Variants in PCDHGA5 observed in about 807,000 individuals in gnomAD.
PCDHGA5 encodes protocadherin gamma subfamily A, 5, also known as protocadherin gamma-A5.
A neutral mutation model predicts 56.7 loss-of-function variants in PCDHGA5; 36 were observed. The observed-to-expected ratio is 0.64, with a 90% CI of 0.49 to 0.84. The LOEUF (loss-of-function observed/expected upper bound fraction) is 0.84. PCDHGA5 is among the 40% of genes least tolerant of loss of function. PCDHGA5 has a pLI of 0.00. For missense variants in PCDHGA5, 1,305 were observed against 1,201.5 expected (o/e 1.09, Z -1.27); for synonymous variants, 563 against 520.2 (o/e 1.08, Z -1.12).
rs73279071 is a variant in PCDHGA5 at position 141,386,620 on chromosome 5, C to G, written c.2421+19869C>G. 8.3e-3 allele frequency among the ~76,000 whole-genome samples: 1,265 copies of G among 151,666 alleles called. 17 individuals carry two copies. The highest frequency in any genetic ancestry group is 0.029 in the African/African-American group (1,203 of 41,334). On this transcript the variant is annotated intron_variant, in intron 1 of 3. Transcript: ENST00000518069. ...ATTTTTTTTTTTTGACATGGAGTCTCGCTCTGTCACCCAGGCTGGATACAT... is the reference window on the plus strand; with the variant it reads ...ATTTTTTTTTTTTGACATGGAGTCTGGCTCTGTCACCCAGGCTGGATACAT...
Position 141,476,064 on chromosome 5 carries a change from C to T in PCDHGA5, c.2422-18743C>T, listed in dbSNP as rs1593605493. On this transcript the variant is annotated intron_variant, in intron 1 of 3. Transcript: ENST00000518069. The surrounding 1 kb of genome is among the most constrained non-coding windows in gnomAD (Gnocchi z 7.6). Reference sequence around the variant, plus strand: ...CGCTAACCCGCTGAAAGTTTCTCAGCGAAATCTCAGGGACGATCTGGACCC... The same window carrying T: ...CGCTAACCCGCTGAAAGTTTCTCAGTGAAATCTCAGGGACGATCTGGACCC... 2.0e-6 allele frequency: 3 copies of T among 1,510,080 alleles called. No homozygotes were observed. In the East Asian group the frequency reaches 6.8e-5, roughly 34 times the overall value. 93.5% of individuals were successfully genotyped at this position (1,510,080 alleles called of 1,614,324 possible). A position where few individuals can be genotyped will look rare whatever the true frequency, so the allele number is the denominator to read the frequency against.
rs1594951324 is a variant in PCDHGA5, at chr5:141,490,871, T to G, written c.2422-3936T>G. 6.2e-7 allele frequency: 1 copy of G among 1,613,918 alleles called. No individual in the cohort carries two copies. The highest frequency in any genetic ancestry group is 8.5e-7 in the Non-Finnish European group (1 of 1,179,944). On this transcript the variant is annotated intron_variant, in intron 1 of 3. Coordinates refer to ENST00000518069, the MANE Select transcript of PCDHGA5 (RefSeq NM_018918.3). This position sits in a 1 kb window ranked among gnomAD's most constrained non-coding sequence, Gnocchi z 5.4. ...GTTCGAGACTCCGGCTCTCCCCCAT[T>G]GCATGCCAACACATCTCTGCATGTG...
intron 1 of PCDHGA5, chr5:141,383,907 A>T: frequency 1.2e-6 from 2 of 1,613,958 alleles, no homozygotes; most frequent in Non-Finnish European, 1.7e-6. Flanking sequence ...TACTGATCAC[A>T]GTTTTAGATG....
At chr5:141,430,846 C>A in intron 1 of PCDHGA5, 1 of 1,576,344 alleles carries the variant, frequency 6.3e-7, no homozygotes, top group South Asian at 1.2e-5. Context: ...CCGGATGCAC[C>A]CAGATACGCT....
chr5:141,506,228 A>T (rs538354130), intron 3 of PCDHGA5, among the ~76,000 whole-genome samples: 1 of 152,266 alleles, frequency 6.6e-6, no homozygotes, highest in East Asian at 1.9e-4. Context: ...AGGCAGGAGG[A>T]TCATGAGGTC....
intron 1 of PCDHGA5, chr5:141,421,895 G>T: frequency 2.5e-6 from 4 of 1,613,730 alleles, no homozygotes; most frequent in Non-Finnish European, 3.4e-6. Context: ...GATCCCATCC[G>T]AAAGGGCGCA....
At chr5:141,377,447 A>AG (rs1773997095) in intron 1 of PCDHGA5, 1 of 152,082 alleles carries the variant, frequency 6.6e-6, no homozygotes, top group African/African-American at 2.4e-5. Context: ...AAGAAAAAAA[A>AG]GTAGCCAGAT....
intron 1 of PCDHGA5, chr5:141,422,076 G>C (rs2096622180): frequency 1.2e-6 from 2 of 1,612,270 alleles, no homozygotes; most frequent in South Asian, 1.1e-5. Flanking sequence ...ATTCATTTCG[G>C]AACATGGAAA....
At chr5:141,403,403 C>T in intron 1 of PCDHGA5, 5 of 1,614,066 alleles carry the variant, frequency 3.1e-6, no homozygotes, top group Non-Finnish European at 4.2e-6. Context: ...TCCTGGAGCA[C>T]GTTATCCACT....
chr5:141,399,721 G>C, intron 1 of PCDHGA5: 1 of 1,613,292 alleles, frequency 6.2e-7, no homozygotes, highest in Non-Finnish European at 8.5e-7. Flanking sequence ...ACAGGCCCGC[G>C]ACCAGGGCTC....
chr5:141,393,098 C>G (rs1172367083), intron 1 of PCDHGA5: 1 of 1,613,610 alleles, frequency 6.2e-7, no homozygotes, highest in African/African-American at 1.3e-5. Flanking sequence ...GGGAGGAGCT[C>G]TGCGCTCAGA....
intron 1 of PCDHGA5, chr5:141,409,341 G>A (rs753232321): frequency 1.9e-6 from 3 of 1,613,976 alleles, no homozygotes; most frequent in Non-Finnish European, 2.5e-6. Flanking sequence ...GGAGGAAATG[G>A]AGAAGTCAGG....
intron 1 of PCDHGA5, chr5:141,400,146 C>A (rs1444566578): frequency 6.2e-7 from 1 of 1,614,080 alleles, no homozygotes; most frequent in South Asian, 1.1e-5. Flanking sequence ...ATATCACTGA[C>A]CGCCCTGTAC....
chr5:141,372,510 G>A, intron 1 of PCDHGA5: 1 of 1,613,998 alleles, frequency 6.2e-7, no homozygotes, highest in South Asian at 1.1e-5. Context: ...CTTCCTCCTC[G>A]CGGTGATTCT....
intron 1 of PCDHGA5, chr5:141,393,496 T>C (rs960048710): frequency 1.9e-6 from 3 of 1,613,940 alleles, no homozygotes; most frequent in Non-Finnish European, 8.5e-7. Flanking sequence ...ACAGTGCGCA[T>C]CCACGTGACA....
Position 141,476,598 on chromosome 5 carries a change from A to G in PCDHGA5, c.2422-18209A>G, listed in dbSNP as rs1222456783. The G allele has an allele frequency of 6.2e-7, 1 of 1,614,238 alleles. No homozygotes were observed. Among genetic ancestry groups the G allele is most frequent in the South Asian group, 1.1e-5 (1 of 91,088 alleles). On this transcript the variant is annotated intron_variant, in intron 1 of 3. Transcript: ENST00000518069. This position sits in a 1 kb window ranked among gnomAD's most constrained non-coding sequence, Gnocchi z 7.6. ...CGCTTTCCGCTCGAGAGCGCGCACG[A>G]TCCCGATGTGGGAAGCAACTCTTTA... is the stretch of plus-strand genomic sequence containing the variant.
chr5:141,415,336 C>T (rs746539261), intron 1 of PCDHGA5: 5 of 1,614,200 alleles, frequency 3.1e-6, no homozygotes, highest in South Asian at 2.2e-5. Flanking sequence ...GCACAGGCTG[C>T]GGCGCTGGCA....
chr5:141,375,624 T>G, intron 1 of PCDHGA5: 5 of 1,614,224 alleles, frequency 3.1e-6, no homozygotes, highest in Non-Finnish European at 3.4e-6. Flanking sequence ...ACTGGGATTC[T>G]GTACGCCCTG....
Position 141,489,072 on chromosome 5 carries a change from AC to A in PCDHGA5, c.2422-5730del. The A allele has an allele frequency of 6.3e-6, 1 of 157,708 alleles. No individual in the cohort carries two copies. The highest frequency in any genetic ancestry group is 1.2e-5 in the Non-Finnish European group (1 of 83,994). The allele number at this position is 157,708 out of a possible 1,614,324, so 9.8% of individuals were successfully genotyped here. On this transcript the variant is annotated intron_variant, in intron 1 of 3. Coordinates refer to ENST00000518069, the MANE Select transcript of PCDHGA5 (RefSeq NM_018918.3). This position sits in a 1 kb window ranked among gnomAD's most constrained non-coding sequence, Gnocchi z 4.5. ...AATTCAGCTCCCCTCCCCCCTGCCC[AC>A]CCCCGCCACTCGGTGACTAAGAACT...
Sources: gnomAD v4.1 joint callset for allele counts (sites outside exome capture counted in the v4.1 genomes callset) on GRCh38, gnomAD v4.1.1 for gene constraint, Gnocchi (gnomAD v3.1) non-coding constraint, MANE v1.5 for transcripts, NCBI Gene and HGNC (gene_info 2026-07-23, HGNC 2026-07-21) for gene names.